Variants in GPRASP3 observed in about 807,000 individuals in gnomAD.
The protein encoded by GPRASP3 is G protein-coupled receptor associated sorting protein family member 3.
chrX:102,749,237 T>G, the GPRASP3 span: 3 of 1,211,420 alleles, frequency 2.5e-6, no homozygotes, highest in Admixed American at 6.5e-5. Flanking sequence ...CCTAAGACTC[T>G]GGGCAAAGCC....
At chrX:102,751,949 A>ATTTTTT in the GPRASP3 span, 1 of 99,231 alleles carries the variant, frequency 1.0e-5, no homozygotes. Context: ...TCATACCTTA[A>ATTTTTT]TTTTTTTTTT....
At chrX:102,746,911 C>T in the GPRASP3 span, among the ~76,000 whole-genome samples, 2 of 112,572 alleles carry the variant, frequency 1.8e-5, no homozygotes, top group Admixed American at 9.3e-5. Context: ...ATGTAAATAA[C>T]AGGGTAGTAT....
the GPRASP3 span, among the ~76,000 whole-genome samples, chrX:102,728,913 G>C: frequency 8.9e-6 from 1 of 111,876 alleles, no homozygotes; most frequent in Admixed American, 9.5e-5. Context: ...GCATAGGACA[G>C]TTGACTACCC....
the GPRASP3 span, among the ~76,000 whole-genome samples, chrX:102,733,168 C>A: frequency 1.8e-5 from 2 of 112,309 alleles, no homozygotes; most frequent in Non-Finnish European, 3.8e-5. Context: ...AGAATACTCA[C>A]AAATTGGCTG....
the GPRASP3 span, among the ~76,000 whole-genome samples, chrX:102,727,065 C>T: frequency 8.9e-6 from 1 of 112,878 alleles, no homozygotes; most frequent in Non-Finnish European, 1.9e-5. Flanking sequence ...CACTGAAGAG[C>T]TGTTTTGTGC....
the GPRASP3 span, among the ~76,000 whole-genome samples, chrX:102,741,270 T>G: frequency 2.7e-4 from 30 of 112,350 alleles, no homozygotes; most frequent in African/African-American, 8.7e-4. Flanking sequence ...ACAAGTGCAC[T>G]GTTTAATCTC....
the GPRASP3 span, among the ~76,000 whole-genome samples, chrX:102,730,669 A>G: frequency 1.2e-4 from 13 of 111,751 alleles, no homozygotes; most frequent in Admixed American, 3.8e-4. Context: ...AGTAATCCAC[A>G]TGATGCAAGG....
the GPRASP3 span, among the ~76,000 whole-genome samples, chrX:102,721,517 AAGG>A: frequency 1.8e-5 from 2 of 111,185 alleles, no homozygotes; most frequent in Non-Finnish European, 3.8e-5. Flanking sequence ...GTTCTAGGAA[AAGG>A]AGGAGGAGAC....
the GPRASP3 span, chrX:102,750,368 G>A: frequency 8.3e-7 from 1 of 1,205,346 alleles, no homozygotes; most frequent in African/African-American, 1.7e-5. Context: ...TCAGGAAATT[G>A]CAAAACCAGA....
At chrX:102,741,421 G>GCTTT in the GPRASP3 span, among the ~76,000 whole-genome samples, 1 of 111,860 alleles carries the variant, frequency 8.9e-6, no homozygotes, top group African/African-American at 3.3e-5. Flanking sequence ...CCCATCTGAG[G>GCTTT]CTTTCTTTCC....
At chrX:102,722,137 T>C in the GPRASP3 span, among the ~76,000 whole-genome samples, 5 of 111,680 alleles carry the variant, frequency 4.5e-5, no homozygotes, top group African/African-American at 6.5e-5. Context: ...CTGCCCTCCC[T>C]CACTTCAGAC....
chrX:102,723,729 G>A, the GPRASP3 span, among the ~76,000 whole-genome samples: 1 of 111,571 alleles, frequency 9.0e-6, no homozygotes, highest in Non-Finnish European at 1.9e-5. Flanking sequence ...TCAGGATGGG[G>A]ACTGGTCACC....
At chrX:102,733,448 G>A in the GPRASP3 span, among the ~76,000 whole-genome samples, 38 of 89,620 alleles carry the variant, frequency 4.2e-4, no homozygotes, top group African/African-American at 1.5e-3. Flanking sequence ...AACAAAGAGC[G>A]AAACTCCATC....
the GPRASP3 span, among the ~76,000 whole-genome samples, chrX:102,726,112 T>C: frequency 8.9e-6 from 1 of 112,121 alleles, no homozygotes; most frequent in East Asian, 2.8e-4. Flanking sequence ...TCTAAATGTA[T>C]TCACTTAGTT....
At chrX:102,734,553 G>A in the GPRASP3 span, among the ~76,000 whole-genome samples, 5 of 111,636 alleles carry the variant, frequency 4.5e-5, no homozygotes, top group African/African-American at 1.6e-4. Flanking sequence ...AGAGGCAGAG[G>A]TTGCAGTGAG....
chrX:102,749,359 T>G, the GPRASP3 span: 1 of 1,210,324 alleles, frequency 8.3e-7, no homozygotes, highest in South Asian at 1.8e-5. Context: ...TATCAATTCC[T>G]GGTTCTGGAA....
At chrX:102,725,770 C>T in the GPRASP3 span, among the ~76,000 whole-genome samples, 5 of 112,669 alleles carry the variant, frequency 4.4e-5, no homozygotes, top group Non-Finnish European at 7.5e-5. Flanking sequence ...TGCTCTTGAA[C>T]TCCTGACCTC....
chrX:102,727,778 C>G, the GPRASP3 span, among the ~76,000 whole-genome samples: 1 of 112,612 alleles, frequency 8.9e-6, no homozygotes, highest in African/African-American at 3.2e-5. Context: ...CTAGAAAGAT[C>G]TGATATACAC....
the GPRASP3 span, among the ~76,000 whole-genome samples, chrX:102,742,870 A>T: frequency 1.8e-5 from 2 of 112,160 alleles, no homozygotes; most frequent in Middle Eastern, 4.2e-3. Flanking sequence ...TCTTGACAAC[A>T]TGTGCCCATT....
Sources: gnomAD v4.1 joint callset for allele counts (sites outside exome capture counted in the v4.1 genomes callset) on GRCh38, gnomAD v4.1.1 for gene constraint, MANE v1.5 for transcripts, NCBI Gene and HGNC (gene_info 2026-07-23, HGNC 2026-07-21) for gene names.